Variants in BMPR1A observed in about 807,000 individuals in gnomAD.
BMPR1A encodes the protein bone morphogenetic protein receptor type 1A, also known as bone morphogenetic protein receptor type-1A.
In BMPR1A, 7 loss-of-function variants were observed where a neutral mutation model predicts 66.0. That is an observed-to-expected ratio of 0.11 (90% confidence interval 0.06 to 0.20). The LOEUF (loss-of-function observed/expected upper bound fraction) is 0.20, where lower values mean the gene tolerates loss of function less well. Among genes scored for constraint, BMPR1A ranks in the 10% least tolerant of loss-of-function variants. BMPR1A has a pLI of 1.00. For missense variants in BMPR1A, 408 were observed against 669.1 expected (o/e 0.61, Z 4.31); for synonymous variants, 200 against 229.7 (o/e 0.87, Z 1.17).
intron 7 of BMPR1A, among the ~76,000 whole-genome samples, chr10:86,910,395 A>G (rs1052569413): frequency 2.6e-5 from 4 of 152,200 alleles, no homozygotes; most frequent in African/African-American, 9.6e-5. Context: ...GTTAGCAGCT[A>G]TACAGTGGAA....
intron 1 of BMPR1A, among the ~76,000 whole-genome samples, chr10:86,806,260 C>T (rs1841888276): frequency 6.6e-6 from 1 of 152,172 alleles, no homozygotes. Flanking sequence ...AGTTTCTCTT[C>T]TCTATAATTA....
chr10:86,779,904 T>C (rs4309065), intron 1 of BMPR1A, among the ~76,000 whole-genome samples: 74,752 of 151,930 alleles, frequency 0.49, 19,059 homozygotes, highest in East Asian at 0.74. Context: ...GCTCTGCCCT[T>C]CTTTGTTTTT....
At chr10:86,760,520 G>A (rs769509366) in intron 1 of BMPR1A, among the ~76,000 whole-genome samples, 2 of 152,058 alleles carry the variant, frequency 1.3e-5, no homozygotes, top group African/African-American at 2.4e-5. Context: ...ACACAGGTGA[G>A]GCACTGTGGC....
chr10:86,883,386 T>C (rs1399835882), intron 3 of BMPR1A, among the ~76,000 whole-genome samples: 1 of 151,706 alleles, frequency 6.6e-6, no homozygotes, highest in Non-Finnish European at 1.5e-5. Context: ...CCGTCTCTAC[T>C]ACAAATACAA....
rs1554883392 is a variant in BMPR1A at position 86,837,249 on chromosome 10, G to GTGTGTGTGTGTGTGTC, written c.-267-1601_-267-1600insCTGTGTGTGTGTGTGT. On this transcript the variant is annotated intron_variant, in intron 1 of 12. Transcript: ENST00000372037. ...AATCAGGCTGTGTGTGTGTGTGTCTGTGTGTGTGTGTGTGTGTGTGTGTGT... is the reference window on the plus strand; with the variant it reads ...AATCAGGCTGTGTGTGTGTGTGTCTGTGTGTGTGTGTGTGTCTGTGTGTGTGTGTGTGTGTGTGTGT... Among the ~76,000 whole-genome samples the GTGTGTGTGTGTGTGTC allele has an allele frequency of 9.7e-4, 144 of 148,830 alleles. 1 individual carries two copies. Among genetic ancestry groups the GTGTGTGTGTGTGTGTC allele is most frequent in the East Asian group, 4.9e-3 (25 of 5,090 alleles).
chr10:86,789,822 G>A (rs1389606860), intron 1 of BMPR1A, among the ~76,000 whole-genome samples: 2 of 151,374 alleles, frequency 1.3e-5, no homozygotes, highest in Non-Finnish European at 2.9e-5. Context: ...TGTACAAATG[G>A]CTACATAAGC....
rs1295626195 is a variant in BMPR1A at position 86,925,199 on chromosome 10, T to A, written c.*1480T>A. On this transcript the variant is annotated 3_prime_UTR_variant, in exon 13 of 13. Transcript: ENST00000372037. The stretch of plus-strand genomic sequence containing the variant: ...TTCATATTTTATAGATGCCTTGTTA[T>A]CTCAAGAAATCTGATTTACATAAAC... 4.3e-6 allele frequency: 1 copy of A among 230,310 alleles called. No individual in the cohort carries two copies. The highest frequency in any genetic ancestry group is 8.6e-6 in the Non-Finnish European group (1 of 116,446). 14.3% of individuals were successfully genotyped at this position (230,310 alleles called of 1,614,324 possible).
At chr10:86,815,731 C>T (rs184879618) in intron 1 of BMPR1A, among the ~76,000 whole-genome samples, 117 of 152,310 alleles carry the variant, frequency 7.7e-4, no homozygotes, top group African/African-American at 2.7e-3. Flanking sequence ...ACCCACGCGG[C>T]CAAGTGCCTA....
At chr10:86,820,116 G>A (rs1242300558) in intron 1 of BMPR1A, among the ~76,000 whole-genome samples, 1 of 152,036 alleles carries the variant, frequency 6.6e-6, no homozygotes, top group Non-Finnish European at 1.5e-5. Flanking sequence ...ATCATAGCTC[G>A]TCTGCAGCCT....
At position 86,923,762 on chromosome 10, in the gene BMPR1A, T is replaced by C. The variant is rs762000074; in HGVS notation, c.*43T>C. On this transcript the variant is annotated 3_prime_UTR_variant, in exon 13 of 13. Coordinates refer to ENST00000372037, the MANE Select transcript of BMPR1A (RefSeq NM_004329.3). ...GAGAAACTCTAGACTGCAAGAACTGTTTTTACCCATGGCATGGGTGGAATT... is the reference window on the plus strand; with the variant it reads ...GAGAAACTCTAGACTGCAAGAACTGCTTTTACCCATGGCATGGGTGGAATT... The C allele has an allele frequency of 2.8e-5, 45 of 1,607,784 alleles. No individual in the cohort carries two copies. Among genetic ancestry groups the C allele is most frequent in the Non-Finnish European group, 3.6e-5 (42 of 1,176,884 alleles).
At chr10:86,884,444 C>T (rs1843041547) in intron 3 of BMPR1A, among the ~76,000 whole-genome samples, 1 of 96,468 alleles carries the variant, frequency 1.0e-5, no homozygotes, top group Non-Finnish European at 1.9e-5. Context: ...GATGGAGTCT[C>T]ACTCTGTTGA....
chr10:86,819,577 G>T (rs531346721), intron 1 of BMPR1A, among the ~76,000 whole-genome samples: 2 of 152,320 alleles, frequency 1.3e-5, no homozygotes, highest in South Asian at 4.1e-4. Context: ...AGGATTACAG[G>T]CGTGAGCCAC....
In BMPR1A at chr10:86,836,758, C is replaced by T. The variant is rs190743449; in HGVS notation, c.-267-2107C>T. On this transcript the variant is annotated intron_variant, in intron 1 of 12. Coordinates refer to ENST00000372037, the MANE Select transcript of BMPR1A (RefSeq NM_004329.3). ...GACCAGCCTGGGCAACACGGCAAAA[C>T]CCCATGTCTACAAAAAATATAAAAA... is the stretch of plus-strand genomic sequence containing the variant. Among the ~76,000 whole-genome samples the T allele has an allele frequency of 1.6e-3, 240 of 152,208 alleles. 1 individual carries two copies. The highest frequency in any genetic ancestry group is 5.1e-3 in the African/African-American group (212 of 41,550).
At position 86,790,184 on chromosome 10, in the gene BMPR1A, AAAAAATATATATATATATATAT is replaced by A. The variant is rs1231809816; in HGVS notation, c.-268+33267_-268+33288del. Among the ~76,000 whole-genome samples the A allele has an allele frequency of 2.8e-3, 106 of 38,014 alleles. 14 individuals carry two copies. The highest frequency in any genetic ancestry group is 0.022 in the African/African-American group (102 of 4,600). The allele number at this position is 38,014 out of a possible 152,430, so 24.9% of individuals were successfully genotyped here. On this transcript the variant is annotated intron_variant, in intron 1 of 12. Transcript: ENST00000372037. ...CTCCAAAAAAAAAAAAAAAAAAAAA[AAAAAATATATATATATATATAT>A]ATATATATATATATATATATATATA... is the stretch of plus-strand genomic sequence containing the variant.
intron 1 of BMPR1A, among the ~76,000 whole-genome samples, chr10:86,770,429 A>G (rs1473771245): frequency 6.6e-6 from 1 of 151,946 alleles, no homozygotes; most frequent in Non-Finnish European, 1.5e-5. Flanking sequence ...AAACAATACA[A>G]CAAATGGAGG....
At chr10:86,922,496 G>A (rs1014384177) in intron 11 of BMPR1A, among the ~76,000 whole-genome samples, 1 of 152,186 alleles carries the variant, frequency 6.6e-6, no homozygotes, top group Non-Finnish European at 1.5e-5. Flanking sequence ...CAGGTTGTGC[G>A]ATTTCACTTG....
chr10:86,773,005 A>T (rs1254382363), intron 1 of BMPR1A, among the ~76,000 whole-genome samples: 2 of 152,132 alleles, frequency 1.3e-5, no homozygotes, highest in African/African-American at 4.8e-5. Context: ...AAATAAGTTG[A>T]GTAAAGCTAA....
chr10:86,918,938 C>T (rs1022343122), intron 9 of BMPR1A, among the ~76,000 whole-genome samples: 1 of 152,012 alleles, frequency 6.6e-6, no homozygotes, highest in Non-Finnish European at 1.5e-5. Context: ...TTTCTTAATC[C>T]TATTCACTTT....
chr10:86,866,413 T>TTTTTTTTTTTTC (rs1842788203), intron 2 of BMPR1A, among the ~76,000 whole-genome samples: 1 of 129,218 alleles, frequency 7.7e-6, no homozygotes, highest in African/African-American at 3.1e-5. Context: ...TTTTTTTTTT[T>TTTTTTTTTTTTC]TTTTTTTTTT....
Sources: allele counts gnomAD v4.1 joint callset (sites outside exome capture counted in the v4.1 genomes callset), GRCh38; gene constraint gnomAD v4.1.1; transcripts MANE v1.5; gene names NCBI Gene and HGNC (gene_info 2026-07-23, HGNC 2026-07-21).